The following MALRD1 variants were observed in gnomAD, a reference collection of about 807,000 sequenced individuals.
MALRD1 encodes MAM and LDL-receptor class A domain-containing protein 1.
A neutral mutation model predicts 242.1 loss-of-function variants in MALRD1; 247 were observed. The ratio of observed to expected loss-of-function variants is 1.02; its 90% confidence interval spans 0.92 to 1.13. The LOEUF (loss-of-function observed/expected upper bound fraction) is 1.13, where lower values mean the gene tolerates loss of function less well. MALRD1 is among the 50% of genes most tolerant of loss of function. The pLI, the probability that MALRD1 is intolerant of heterozygous loss-of-function variation, is 0.00. For synonymous variants in MALRD1, 995 were observed against 866.6 expected, an observed-to-expected ratio of 1.15 and a Z score of -2.60; for missense variants, 2,989 against 2,533.1, an observed-to-expected ratio of 1.18 and a Z score of -3.86.
intron 33 of MALRD1, among the ~76,000 whole-genome samples, chr10:19,568,992 C>T (rs1836381119): frequency 6.6e-6 from 1 of 152,104 alleles, no homozygotes; most frequent in South Asian, 2.1e-4. Flanking sequence ...CAAATTCTGC[C>T]ATAATGGCTT....
At chr10:19,441,294 T>G (rs1240800018) in intron 28 of MALRD1, among the ~76,000 whole-genome samples, 4 of 152,218 alleles carry the variant, frequency 2.6e-5, no homozygotes, top group Non-Finnish European at 5.9e-5. Flanking sequence ...GTAGATTGCC[T>G]GTTCACTCTG....
chr10:19,529,546 A>AGG (rs71388844), intron 31 of MALRD1, among the ~76,000 whole-genome samples: 1,903 of 128,584 alleles, frequency 0.015, 28 homozygotes, highest in African/African-American at 0.038. Context: ...AAAAAACAGG[A>AGG]GGGGGGGGGA....
chr10:19,498,760 G>C (rs1837836850), intron 31 of MALRD1, 114 bp downstream of exon 31: 1 of 1,263,694 alleles, frequency 7.9e-7, no homozygotes, highest in Non-Finnish European at 1.1e-6. Flanking sequence ...ACAGAGCTCA[G>C]TAGGTTTTAT....
At chr10:19,114,741 G>A (rs1477684192) in intron 5 of MALRD1, among the ~76,000 whole-genome samples, 1 of 152,122 alleles carries the variant, frequency 6.6e-6, no homozygotes, top group Non-Finnish European at 1.5e-5. Context: ...CCATAACAAA[G>A]TACCTCAGAC....
chr10:19,647,207 A>C (rs1355341379), intron 36 of MALRD1, among the ~76,000 whole-genome samples: 2 of 152,178 alleles, frequency 1.3e-5, no homozygotes, highest in Non-Finnish European at 2.9e-5. Context: ...AGTCACGCAA[A>C]TTTGCAATGT....
At chr10:19,466,823 T>C (rs971246363) in intron 29 of MALRD1, among the ~76,000 whole-genome samples, 4 of 152,118 alleles carry the variant, frequency 2.6e-5, no homozygotes, top group Admixed American at 6.5e-5. Context: ...AGCCTGAAGG[T>C]AATTTTATAC....
intron 13 of MALRD1, among the ~76,000 whole-genome samples, chr10:19,172,184 T>C (rs529955545): frequency 7.3e-6 from 1 of 136,644 alleles, no homozygotes; most frequent in Non-Finnish European, 1.6e-5. Flanking sequence ...TACATATATA[T>C]ACATATATAC....
intron 4 of MALRD1, among the ~76,000 whole-genome samples, chr10:19,101,941 A>G (rs1197950068): frequency 7.3e-6 from 1 of 137,286 alleles, no homozygotes; most frequent in Non-Finnish European, 1.5e-5. Context: ...AGTTTGATTA[A>G]AAATATCTGT....
intron 5 of MALRD1, among the ~76,000 whole-genome samples, chr10:19,111,987 ATTGCCAAATGGGACTCTC>A (rs1836695121): frequency 6.6e-6 from 1 of 152,142 alleles, no homozygotes; most frequent in South Asian, 2.1e-4. Flanking sequence ...GTAGCATTAA[ATTGCCAAATGGGACTCTC>A]TAGCCAAGTT....
At chr10:19,083,251 A>G (rs1416933745) in intron 2 of MALRD1, among the ~76,000 whole-genome samples, 1 of 151,956 alleles carries the variant, frequency 6.6e-6, no homozygotes, top group East Asian at 1.9e-4. Context: ...TGCACTTTCC[A>G]TGCTCATCCA....
At chr10:19,496,782 C>T (rs1462299137) in intron 30 of MALRD1, among the ~76,000 whole-genome samples, 1 of 151,998 alleles carries the variant, frequency 6.6e-6, no homozygotes, top group African/African-American at 2.4e-5. Context: ...ATAGGGTCAG[C>T]CTGGCTGTGT....
At chr10:19,546,831 G>A (rs1226667317) in intron 32 of MALRD1, among the ~76,000 whole-genome samples, 4 of 152,098 alleles carry the variant, frequency 2.6e-5, no homozygotes, top group Non-Finnish European at 1.5e-5. Context: ...TGTTTTTCCT[G>A]TCTTTCCAGT....
chr10:19,324,609 T>TAA (rs397707570), intron 22 of MALRD1, among the ~76,000 whole-genome samples: 34 of 149,498 alleles, frequency 2.3e-4, no homozygotes, highest in African/African-American at 7.6e-4. Context: ...ATTTTTTTTT[T>TAA]AAAAAAAAAC....
At chr10:19,605,411 G>T (rs1395144977) in intron 34 of MALRD1, among the ~76,000 whole-genome samples, 5 of 150,798 alleles carry the variant, frequency 3.3e-5, no homozygotes, top group East Asian at 1.9e-4. Flanking sequence ...CATGTGATCT[G>T]CCCACCTCGG....
At chr10:19,659,969 A>C (rs1056232193) in intron 36 of MALRD1, among the ~76,000 whole-genome samples, 4 of 152,162 alleles carry the variant, frequency 2.6e-5, no homozygotes, top group Admixed American at 1.3e-4. Flanking sequence ...ATTTCTCCCT[A>C]ACTGCATCCC....
At chr10:19,429,382 G>A (rs543717234) in intron 28 of MALRD1, among the ~76,000 whole-genome samples, 11 of 152,134 alleles carry the variant, frequency 7.2e-5, no homozygotes, top group Non-Finnish European at 1.3e-4. Flanking sequence ...CCAGCCTGGT[G>A]GTGAAACCCC....
intron 32 of MALRD1, among the ~76,000 whole-genome samples, chr10:19,532,144 T>G (rs1014231169): frequency 2.6e-5 from 4 of 152,214 alleles, no homozygotes; most frequent in Admixed American, 2.0e-4. Context: ...CCTGATGAGG[T>G]AAGTATATTT....
chr10:19,547,895 A>G (rs2131397190), intron 32 of MALRD1, among the ~76,000 whole-genome samples: 1 of 111,690 alleles, frequency 9.0e-6, no homozygotes, highest in South Asian at 3.3e-4. Flanking sequence ...AAGTGTATGT[A>G]TGGCTGCTAT....
chr10:19,084,295 T>G (rs147537204), intron 2 of MALRD1, among the ~76,000 whole-genome samples: 2 of 152,052 alleles, frequency 1.3e-5, no homozygotes, highest in African/African-American at 4.8e-5. Flanking sequence ...TTGCTCTCTA[T>G]TATCCGAACT....
Sources: gnomAD v4.1 joint callset for allele counts (sites outside exome capture counted in the v4.1 genomes callset) on GRCh38, gnomAD v4.1.1 for gene constraint, MANE v1.5 for transcripts, NCBI Gene and HGNC (gene_info 2026-07-23, HGNC 2026-07-21) for gene names.